MLIP: variants seen among roughly 807,000 people sequenced by gnomAD.
MLIP encodes muscular LMNA interacting protein, also known as muscular LMNA-interacting protein.
A neutral mutation model predicts 84.8 loss-of-function variants in MLIP; 79 were observed. The ratio of observed to expected loss-of-function variants is 0.93; its 90% CI spans 0.78 to 1.12. MLIP has a LOEUF of 1.12. Among genes scored for constraint, MLIP ranks in the 50% most tolerant of loss-of-function variants. The probability of loss-of-function intolerance (pLI) is 0.00; values close to 1 mark genes in which losing one functional copy is unlikely to be tolerated. For synonymous variants in MLIP, 504 were observed against 463.0 expected, an observed-to-expected ratio of 1.09 and a Z score of -1.14; for missense variants, 1,257 against 1,160.6, an observed-to-expected ratio of 1.08 and a Z score of -1.21.
At chr6:54,111,432 C>CTTCCCACCTCAGTCATTGG, upstream of MLIP, 2 of 1,534,824 alleles carry the variant, frequency 1.3e-6, no homozygotes, top group Non-Finnish European at 1.7e-6. Flanking sequence ...ATGAGGCTCC[C>CTTCCCACCTCAGTCATTGG]TTCCCACCTC....
intron 1 of MLIP, among the ~76,000 whole-genome samples, chr6:54,076,536 T>C (rs1303579387): frequency 6.6e-6 from 1 of 152,198 alleles, no homozygotes; most frequent in Non-Finnish European, 1.5e-5. Flanking sequence ...GTTTAATTAG[T>C]GGAAATGCAA....
In MLIP at chr6:54,051,149, C is replaced by T. The variant is rs1004841108; in HGVS notation, c.63+32058C>T. Among the ~76,000 whole-genome samples, 7 of 151,636 alleles carry T rather than the reference C, an allele frequency of 4.6e-5. 1 individual carries two copies. Among genetic ancestry groups the T allele is most frequent in the East Asian group, 1.9e-4 (1 of 5,186 alleles). On this transcript the variant is annotated intron_variant, in intron 1 of 12. Coordinates refer to the MLIP transcript ENST00000274897. ...CACTCTCAACCTCCTTGTTGGACCT[C>T]GAGCAGTCTACTAGTATAAATATTT...
intron 5 of MLIP, among the ~76,000 whole-genome samples, chr6:54,157,320 TGA>T (rs1774131637): frequency 6.6e-6 from 1 of 152,128 alleles, no homozygotes; most frequent in Non-Finnish European, 1.5e-5. Flanking sequence ...CTGCTAGAAT[TGA>T]GAGAGCCTCA....
rs528329183 is a variant in MLIP, at chr6:54,032,086, T to C, written c.63+12995T>C. On this transcript the variant is annotated intron_variant, in intron 1 of 12. Transcript: ENST00000274897. ...GGAACTTTCTGAGAGTAGGTGAAAG[T>C]GGAACAGGAGAGTTCTATTTTTTTC... 3.1e-4 allele frequency among the ~76,000 whole-genome samples: 47 copies of C among 152,294 alleles called. No individual in the cohort carries two copies. The South Asian group carries it at 9.5e-3, about 31-fold the overall frequency.
Position 54,137,401 on chromosome 6 carries a change from G to A in MLIP, c.1332G>A (p.Pro444=), listed in dbSNP as rs1771907210. 2 of 1,535,548 alleles carry A rather than the reference G, an allele frequency of 1.3e-6. No individual in the cohort carries two copies. The highest frequency in any genetic ancestry group is 2.0e-5 in the Admixed American group (1 of 50,924). Residue 444 remains proline (P), a synonymous_variant, in exon 4 of 14, where the codon CCG becomes CCA. Transcript: ENST00000502396. ...GTCCCACCTTCTCTCTCAACTCCCC[G>A]GCCTCTTCCACGCTCACACTTGACC... The part of the protein sequence containing the change: ...ASCPTFSLNS[P]ASSTLTLDQK...
At chr6:54,055,012 C>G (rs1034506445) in intron 1 of MLIP, among the ~76,000 whole-genome samples, 2 of 152,024 alleles carry the variant, frequency 1.3e-5, no homozygotes, top group Non-Finnish European at 2.9e-5. Context: ...CTCAGCCTCC[C>G]GAGTAGCTGG....
intron 9 of MLIP, among the ~76,000 whole-genome samples, chr6:54,184,381 CA>C (rs1777187206): frequency 1.3e-5 from 2 of 152,134 alleles, no homozygotes; most frequent in Non-Finnish European, 2.9e-5. Flanking sequence ...TTATCTAATG[CA>C]ACTTGATTTT....
At chr6:54,089,936 C>T (rs992507483) in intron 1 of MLIP, among the ~76,000 whole-genome samples, 4 of 152,078 alleles carry the variant, frequency 2.6e-5, no homozygotes, top group South Asian at 2.1e-4. Flanking sequence ...GGGTCCTCAT[C>T]GTCTGCATAC....
chr6:54,088,481 C>T (rs896909036), intron 1 of MLIP, among the ~76,000 whole-genome samples: 4 of 152,098 alleles, frequency 2.6e-5, no homozygotes, highest in African/African-American at 9.7e-5. Context: ...GATAAATGTC[C>T]CTCATCCCCA....
intron 9 of MLIP, among the ~76,000 whole-genome samples, chr6:54,187,700 G>T (rs115083848): frequency 0.01 from 1,565 of 152,174 alleles, 9 homozygotes; most frequent in Middle Eastern, 0.031. Context: ...ATTTCAGAAG[G>T]CCCAAAATAC....
At chr6:54,261,425 T>C (rs1195947855) in intron 13 of MLIP, among the ~76,000 whole-genome samples, 1 of 152,092 alleles carries the variant, frequency 6.6e-6, no homozygotes, top group Non-Finnish European at 1.5e-5. Flanking sequence ...TCATTTGTTA[T>C]TAACACAACT....
intron 9 of MLIP, among the ~76,000 whole-genome samples, chr6:54,182,164 C>T (rs939485965): frequency 6.6e-6 from 1 of 152,156 alleles, no homozygotes; most frequent in African/African-American, 2.4e-5. Context: ...TGGTGGTGAG[C>T]CTTTCCAAGA....
upstream of MLIP, among the ~76,000 whole-genome samples, chr6:54,106,480 C>T (rs573022417): frequency 2.6e-5 from 4 of 152,110 alleles, no homozygotes; most frequent in African/African-American, 4.8e-5. Context: ...GGCAATGATT[C>T]GGAAAGAAGA....
intron 11 of MLIP, among the ~76,000 whole-genome samples, chr6:54,209,944 T>G (rs1436919812): frequency 1.3e-5 from 2 of 152,134 alleles, no homozygotes; most frequent in African/African-American, 2.4e-5. Flanking sequence ...TTGTCATTAC[T>G]TGTGTTTTCC....
intron 1 of MLIP, among the ~76,000 whole-genome samples, chr6:54,102,513 C>G (rs1444925007): frequency 6.6e-6 from 1 of 152,094 alleles, no homozygotes; most frequent in East Asian, 1.9e-4. Flanking sequence ...CTAAAACATC[C>G]AAAGCTCTGG....
chr6:54,259,576 T>TC (rs1783248444), intron 13 of MLIP, among the ~76,000 whole-genome samples: 1 of 151,892 alleles, frequency 6.6e-6, no homozygotes, highest in Admixed American at 6.6e-5. Context: ...TTGCATTTTT[T>TC]CACACCAATT....
intron 1 of MLIP, among the ~76,000 whole-genome samples, chr6:54,036,593 T>C (rs1372264049): frequency 6.6e-6 from 1 of 152,020 alleles, no homozygotes; most frequent in Non-Finnish European, 1.5e-5. Context: ...ACGATAAGTG[T>C]TGTAGACAAT....
At chr6:54,164,238 A>G (rs1404773429) in intron 8 of MLIP, among the ~76,000 whole-genome samples, 1 of 151,874 alleles carries the variant, frequency 6.6e-6, no homozygotes, top group Non-Finnish European at 1.5e-5. Context: ...TATTTTTACA[A>G]ATATTTATTC....
At chr6:54,221,161 G>A (rs1312688988) in intron 11 of MLIP, among the ~76,000 whole-genome samples, 1 of 152,212 alleles carries the variant, frequency 6.6e-6, no homozygotes, top group Non-Finnish European at 1.5e-5. Flanking sequence ...AGTTGCCATG[G>A]AAATTGCTGT....
Sources: allele counts gnomAD v4.1 joint callset (sites outside exome capture counted in the v4.1 genomes callset), GRCh38; gene constraint gnomAD v4.1.1; transcripts MANE v1.5; gene names NCBI Gene and HGNC (gene_info 2026-07-23, HGNC 2026-07-21).